DAB1: variants seen among roughly 807,000 people sequenced by gnomAD.
The protein encoded by DAB1 is DAB adaptor protein 1.
In DAB1, 15 loss-of-function variants were observed where a neutral mutation model predicts 64.6. The ratio of observed to expected loss-of-function variants is 0.23; its 90% CI spans 0.16 to 0.36. The LOEUF is 0.36. Ranked by LOEUF, DAB1 falls within the 10% of genes least tolerant of loss-of-function variation. DAB1 has a pLI of 1.00. For synonymous variants in DAB1, 235 were observed against 251.9 expected, an observed-to-expected ratio of 0.93 and a Z score of 0.64; for missense variants, 596 against 706.7, an observed-to-expected ratio of 0.84 and a Z score of 1.78.
chr1:57,340,758 G>A (rs1240485306), intron 1 of DAB1, among the ~76,000 whole-genome samples: 1 of 152,186 alleles, frequency 6.6e-6, no homozygotes, highest in African/African-American at 2.4e-5. Context: ...TGTACTCTGA[G>A]GAAGCCGAAG....
intron 5 of DAB1, among the ~76,000 whole-genome samples, chr1:58,029,869 T>C (rs1013064603): frequency 6.6e-6 from 1 of 152,132 alleles, no homozygotes; most frequent in African/African-American, 2.4e-5. Flanking sequence ...ATAGTCAAAG[T>C]GTAATCTTAG....
intron 5 of DAB1, among the ~76,000 whole-genome samples, chr1:57,975,960 T>C (rs1384085129): frequency 6.6e-6 from 1 of 152,216 alleles, no homozygotes; most frequent in Non-Finnish European, 1.5e-5. Flanking sequence ...CCAAGAACTA[T>C]AGTGCTGTCA....
In DAB1 at chr1:58,428,573, C is replaced by T. The variant is rs550041915; in HGVS notation, n.257+77487G>A. The stretch of plus-strand genomic sequence containing the variant: ...ATACCACTGACTAGATATTTGATAA[C>T]ATTGAGAAGCTATTGCCATTTTATT... On this transcript the variant is annotated intron_variant and non_coding_transcript_variant, in intron 3 of 20. Transcript: ENST00000485760. 2.6e-4 allele frequency among the ~76,000 whole-genome samples: 39 copies of T among 152,302 alleles called. 1 individual carries two copies. Among genetic ancestry groups the T allele is most frequent in the African/African-American group, 7.5e-4 (31 of 41,562 alleles).
intron 5 of DAB1, among the ~76,000 whole-genome samples, chr1:57,905,576 C>T (rs1644537924): frequency 1.3e-5 from 2 of 152,090 alleles, no homozygotes; most frequent in African/African-American, 4.8e-5. Flanking sequence ...CAGAACTGTA[C>T]ATTTCAAGAT....
At chr1:57,511,549 A>G (rs2101349770) in intron 7 of DAB1, among the ~76,000 whole-genome samples, 1 of 152,298 alleles carries the variant, frequency 6.6e-6, no homozygotes, top group East Asian at 1.9e-4. Flanking sequence ...TTGTAGACAT[A>G]ATTGCATAAT....
chr1:58,520,912 G>C (rs909403376), intron 2 of DAB1, among the ~76,000 whole-genome samples: 3 of 152,132 alleles, frequency 2.0e-5, no homozygotes, highest in Non-Finnish European at 1.5e-5. Flanking sequence ...AAAAAAATCA[G>C]CAAGAATATA....
rs913839794 is a variant in DAB1 at position 58,472,858 on chromosome 1, T to C, written n.257+33202A>G. 4.6e-5 allele frequency among the ~76,000 whole-genome samples: 7 copies of C among 152,230 alleles called. No individual in the cohort carries two copies. In the East Asian group the frequency reaches 1.4e-3, roughly 29 times the overall value. On this transcript the variant is annotated intron_variant and non_coding_transcript_variant, in intron 3 of 20. Coordinates refer to the DAB1 transcript ENST00000485760. Reference sequence around the variant, plus strand: ...AGGCTTTGGCTCCAAAATTTTCCTTTATAAATCACGTGTGGAAGTAGGTGG... The same window carrying C: ...AGGCTTTGGCTCCAAAATTTTCCTTCATAAATCACGTGTGGAAGTAGGTGG...
At chr1:58,184,189 T>C (rs1656950291) in intron 4 of DAB1, among the ~76,000 whole-genome samples, 1 of 151,888 alleles carries the variant, frequency 6.6e-6, no homozygotes, top group Non-Finnish European at 1.5e-5. Flanking sequence ...TGTAATTCAG[T>C]ATTTAAAAAC....
chr1:57,574,235 C>G (rs1007081083), intron 7 of DAB1, among the ~76,000 whole-genome samples: 5 of 152,104 alleles, frequency 3.3e-5, no homozygotes, highest in Non-Finnish European at 5.9e-5. Context: ...CATGACCTAA[C>G]CAGTGCTTGG....
intron 2 of DAB1, among the ~76,000 whole-genome samples, chr1:57,266,540 C>G (rs1186326131): frequency 6.6e-6 from 1 of 152,190 alleles, no homozygotes; most frequent in Non-Finnish European, 1.5e-5. Flanking sequence ...TTTATCATTC[C>G]TTTAATCCCT....
chr1:58,013,122 G>A (rs929181375), intron 5 of DAB1, among the ~76,000 whole-genome samples: 8 of 152,242 alleles, frequency 5.3e-5, no homozygotes, highest in East Asian at 1.9e-4. Flanking sequence ...GCACAGTCTC[G>A]TCAGTCTGTG....
intron 5 of DAB1, among the ~76,000 whole-genome samples, chr1:58,050,975 A>G (rs1647612562): frequency 6.6e-6 from 1 of 152,152 alleles, no homozygotes; most frequent in Non-Finnish European, 1.5e-5. Flanking sequence ...TGTGAGAAAT[A>G]CTGTGATGTC....
intron 4 of DAB1, among the ~76,000 whole-genome samples, chr1:58,236,012 A>C (rs1180667017): frequency 6.6e-6 from 1 of 152,186 alleles, no homozygotes; most frequent in Non-Finnish European, 1.5e-5. Flanking sequence ...AATTAGAGCT[A>C]ATTGACCACC....
At chr1:57,785,666 A>G (rs1650304483) in intron 6 of DAB1, among the ~76,000 whole-genome samples, 2 of 152,192 alleles carry the variant, frequency 1.3e-5, no homozygotes, top group African/African-American at 4.8e-5. Context: ...CTGTAACCTC[A>G]TGATAAAACT....
chr1:57,737,297 A>C (rs141823789), intron 6 of DAB1, among the ~76,000 whole-genome samples: 2 of 152,338 alleles, frequency 1.3e-5, no homozygotes, highest in East Asian at 3.9e-4. Flanking sequence ...GTCAGGGTGT[A>C]GAATGGATCT....
chr1:57,635,585 C>T (rs746432647), intron 7 of DAB1, among the ~76,000 whole-genome samples: 1 of 152,220 alleles, frequency 6.6e-6, no homozygotes, highest in Admixed American at 6.5e-5. Flanking sequence ...GGAAAACAAG[C>T]TCAGGGCTCC....
In DAB1 at chr1:58,295,609, G is replaced by A. The variant is rs538518537; in HGVS notation, n.309+47743C>T. Among the ~76,000 whole-genome samples the A allele has an allele frequency of 1.3e-4, 20 of 152,020 alleles. No individual in the cohort carries two copies. In the Middle Eastern group the frequency reaches 0.014, roughly 103 times the overall value. On this transcript the variant is annotated intron_variant and non_coding_transcript_variant, in intron 4 of 20. Transcript: ENST00000485760. ...TACACACTTCATTTTTTTGTTTATCGCCTTTCTTCTTTGAAAGAAGAGTAG... is the reference window on the plus strand; with the variant it reads ...TACACACTTCATTTTTTTGTTTATCACCTTTCTTCTTTGAAAGAAGAGTAG...
intron 5 of DAB1, among the ~76,000 whole-genome samples, chr1:57,946,028 C>T (rs1207538794): frequency 6.6e-6 from 1 of 152,214 alleles, no homozygotes; most frequent in African/African-American, 2.4e-5. Context: ...GCTGCTACTC[C>T]ATTTCACAGG....
intron 6 of DAB1, among the ~76,000 whole-genome samples, chr1:57,661,684 C>T (rs1260796952): frequency 2.0e-5 from 3 of 152,098 alleles, no homozygotes; most frequent in African/African-American, 4.8e-5. Flanking sequence ...TACACACATC[C>T]TCCCATACAC....
Sources: gnomAD v4.1 joint callset for allele counts (sites outside exome capture counted in the v4.1 genomes callset) on GRCh38, gnomAD v4.1.1 for gene constraint, MANE v1.5 for transcripts, NCBI Gene and HGNC (gene_info 2026-07-23, HGNC 2026-07-21) for gene names.